Variants in TENM3 observed in about 807,000 individuals in gnomAD.
TENM3 encodes teneurin-3.
Under a neutral mutation model 255.1 loss-of-function variants are expected in TENM3, and 63 were observed. That is an observed-to-expected ratio of 0.25 (90% CI 0.20 to 0.30). TENM3 has a LOEUF of 0.30. TENM3 is among the 10% of genes least tolerant of loss of function. TENM3 has a pLI of 1.00. For synonymous variants in TENM3, 1,306 were observed against 1,322.3 expected, an observed-to-expected ratio of 0.99 and a Z score of 0.27; for missense variants, 2,929 against 3,461.1, an observed-to-expected ratio of 0.85 and a Z score of 3.86.
intron 3 of TENM3, among the ~76,000 whole-genome samples, chr4:182,380,089 C>T (rs1224530106): frequency 2.6e-5 from 4 of 151,882 alleles, no homozygotes; most frequent in African/African-American, 4.8e-5. Context: ...GACAACATGA[C>T]GAAACCCTGT....
chr4:181,933,619 T>C, the TENM3 span, among the ~76,000 whole-genome samples: 1 of 152,176 alleles, frequency 6.6e-6, no homozygotes, highest in African/African-American at 2.4e-5. Flanking sequence ...CATTAGTGGG[T>C]GTCACTGTGA....
At chr4:181,501,393 T>C in the TENM3 span, among the ~76,000 whole-genome samples, 3 of 151,840 alleles carry the variant, frequency 2.0e-5, no homozygotes, top group African/African-American at 4.8e-5. Context: ...TGTTTTTTTT[T>C]TTTAAGATGG....
rs576555294 is a variant in TENM3, at chr4:182,648,524, G to A, written c.989-5247G>A. ...TCAAACTCCTGACCTCAAGTGATCC[G>A]CCCACCTCAGCCTCACAAAATGCTA... On this transcript the variant is annotated intron_variant, in intron 5 of 27. Coordinates refer to ENST00000511685, the MANE Select transcript of TENM3 (RefSeq NM_001080477.4). Among the ~76,000 whole-genome samples the A allele has an allele frequency of 1.3e-4, 20 of 152,120 alleles. No individual in the cohort carries two copies. In the South Asian group the frequency reaches 3.3e-3, roughly 25 times the overall value.
At position 182,802,460 on chromosome 4, in the gene TENM3, T is replaced by C. The variant is rs754571184; in HGVS notation, c.*2109T>C. 3 of 152,638 alleles carry C rather than the reference T, an allele frequency of 2.0e-5. No homozygotes were observed. The highest frequency in any genetic ancestry group is 4.4e-5 in the Non-Finnish European group (3 of 68,036). The allele number at this position is 152,638 out of a possible 1,614,324, so 9.5% of individuals were successfully genotyped here. A position where few individuals can be genotyped will look rare whatever the true frequency, so the allele number is the denominator to read the frequency against. On this transcript the variant is annotated 3_prime_UTR_variant, in exon 28 of 28. Coordinates refer to ENST00000511685, the MANE Select transcript of TENM3 (RefSeq NM_001080477.4). ...TGTATTTAGCATGCTGTAAGTACTT[T>C]TGGGTGAAATAGGCTCTGAGTCTAA...
At chr4:182,675,545 A>AG (rs978144423) in intron 7 of TENM3, among the ~76,000 whole-genome samples, 1 of 151,670 alleles carries the variant, frequency 6.6e-6, no homozygotes, top group Non-Finnish European at 1.5e-5. Context: ...TCTGTCTAGG[A>AG]GAAAAAAAAA....
the TENM3 span, among the ~76,000 whole-genome samples, chr4:181,876,262 A>G: frequency 6.6e-6 from 1 of 152,202 alleles, no homozygotes; most frequent in Non-Finnish European, 1.5e-5. Context: ...ATTTCCATAT[A>G]TCTCATGTTT....
chr4:181,949,112 A>C, the TENM3 span, among the ~76,000 whole-genome samples: 1 of 152,150 alleles, frequency 6.6e-6, no homozygotes, highest in African/African-American at 2.4e-5. Flanking sequence ...TCCTGCCTCC[A>C]AGCAACCTTA....
the TENM3 span, among the ~76,000 whole-genome samples, chr4:181,866,569 C>T: frequency 2.0e-5 from 3 of 152,090 alleles, no homozygotes; most frequent in African/African-American, 4.8e-5. Context: ...TGAATCACTG[C>T]GTGATGTTCA....
At chr4:181,838,104 A>G in the TENM3 span, among the ~76,000 whole-genome samples, 3 of 151,284 alleles carry the variant, frequency 2.0e-5, no homozygotes, top group East Asian at 2.0e-4. Flanking sequence ...CGCCACTGCA[A>G]CTGCAGCCTG....
chr4:181,911,848 T>G, the TENM3 span, among the ~76,000 whole-genome samples: 4 of 152,302 alleles, frequency 2.6e-5, no homozygotes, highest in African/African-American at 9.6e-5. Flanking sequence ...TTGCTAATGT[T>G]TTAATAATTA....
the TENM3 span, among the ~76,000 whole-genome samples, chr4:182,023,061 T>G: frequency 6.6e-6 from 1 of 152,362 alleles, no homozygotes; most frequent in East Asian, 1.9e-4. Flanking sequence ...GTACCTTTGT[T>G]TAAGCAGTAA....
the TENM3 span, among the ~76,000 whole-genome samples, chr4:181,710,705 AG>A: frequency 6.6e-6 from 1 of 152,018 alleles, no homozygotes; most frequent in African/African-American, 2.4e-5. Flanking sequence ...CTGGCAACAG[AG>A]TGAGACTCCA....
the TENM3 span, among the ~76,000 whole-genome samples, chr4:181,447,986 G>GT: frequency 6.6e-6 from 1 of 151,828 alleles, no homozygotes; most frequent in Non-Finnish European, 1.5e-5. Context: ...CTTTGTGCGT[G>GT]TAAGTGTGCA....
the TENM3 span, among the ~76,000 whole-genome samples, chr4:181,888,532 A>ATATATATATGTGTG: frequency 1.3e-5 from 1 of 78,748 alleles, no homozygotes; most frequent in African/African-American, 4.6e-5. Context: ...ATATACATAT[A>ATATATATATGTGTG]TGTGTATATA....
At chr4:182,771,513 T>G in intron 22 of TENM3, among the ~76,000 whole-genome samples, 1 of 141,974 alleles carries the variant, frequency 7.0e-6, no homozygotes. Flanking sequence ...GGGGGGGAAA[T>G]AGTACAATAC....
chr4:181,784,607 A>G, the TENM3 span, among the ~76,000 whole-genome samples: 3 of 152,066 alleles, frequency 2.0e-5, no homozygotes, highest in African/African-American at 7.2e-5. Context: ...GTGAATTCCC[A>G]AGCATCAAAT....
the TENM3 span, among the ~76,000 whole-genome samples, chr4:181,467,093 G>GTATATATATA: frequency 1.5e-5 from 1 of 67,342 alleles, no homozygotes; most frequent in African/African-American, 8.6e-5. Flanking sequence ...GCGTGTGTGT[G>GTATATATATA]TGTGTGTGTG....
intron 4 of TENM3, among the ~76,000 whole-genome samples, chr4:182,608,407 G>T (rs1001876093): frequency 2.0e-5 from 3 of 152,090 alleles, no homozygotes; most frequent in African/African-American, 7.2e-5. Context: ...TACAGGTGTG[G>T]CATGGTGCCC....
chr4:181,854,502 A>G, the TENM3 span, among the ~76,000 whole-genome samples: 2 of 151,862 alleles, frequency 1.3e-5, no homozygotes, highest in Non-Finnish European at 2.9e-5. Flanking sequence ...TCCCCTTTCC[A>G]ACTGGCAATA....
Sources: gnomAD v4.1 joint callset for allele counts (sites outside exome capture counted in the v4.1 genomes callset) on GRCh38, gnomAD v4.1.1 for gene constraint, MANE v1.5 for transcripts, NCBI Gene and HGNC (gene_info 2026-07-23, HGNC 2026-07-21) for gene names.